Variants in HMGB1 observed in about 807,000 individuals in gnomAD.
The protein encoded by HMGB1 is high mobility group protein B1.
For synonymous variants in HMGB1, 81 were observed against 84.0 expected, an observed-to-expected ratio of 0.96 and a Z score of 0.19; for missense variants, 79 against 253.5, an observed-to-expected ratio of 0.31 and a Z score of 4.67.
chr13:30,543,461 T>G, intron 1 of HMGB1: 1 of 158,432 alleles, frequency 6.3e-6, no homozygotes, highest in Non-Finnish European at 1.4e-5. Flanking sequence ...GAGGTCACCA[T>G]CTTGAGAGCG....
chr13:30,548,189 A>G (rs547842545), intron 1 of HMGB1, among the ~76,000 whole-genome samples: 11 of 152,140 alleles, frequency 7.2e-5, no homozygotes, highest in Non-Finnish European at 1.6e-4. Flanking sequence ...TAATTGAATC[A>G]TGGGGGTGGT....
chr13:30,600,077 T>C (rs904346711), intron 1 of HMGB1, among the ~76,000 whole-genome samples: 3 of 152,248 alleles, frequency 2.0e-5, no homozygotes, highest in African/African-American at 7.2e-5. Flanking sequence ...GACTCATCTA[T>C]GGTGGTAGAT....
chr13:30,615,018 A>T (rs1286258192), intron 1 of HMGB1, among the ~76,000 whole-genome samples: 1 of 151,784 alleles, frequency 6.6e-6, no homozygotes, highest in East Asian at 1.9e-4. Flanking sequence ...CCGAGTTGTC[A>T]TGTTTTATCT....
intron 1 of HMGB1, chr13:30,464,338 G>A (rs1159088531): frequency 1.0e-6 from 1 of 985,352 alleles, no homozygotes; most frequent in Non-Finnish European, 1.2e-6. Flanking sequence ...AAACACGTCC[G>A]GTCTGAAGTT....
At chr13:30,586,484 T>G (rs866679941) in intron 1 of HMGB1, among the ~76,000 whole-genome samples, 5 of 140,602 alleles carry the variant, frequency 3.6e-5, no homozygotes, top group East Asian at 2.1e-4. Context: ...TTTTTGTTTT[T>G]TTTTTTTTTT....
intron 1 of HMGB1, among the ~76,000 whole-genome samples, chr13:30,546,886 C>G (rs1258528745): frequency 6.6e-6 from 1 of 152,230 alleles, no homozygotes; most frequent in Admixed American, 6.5e-5. Flanking sequence ...TTTCTTGAAA[C>G]TTGACTCTTA....
At chr13:30,543,775 A>G (rs2137504938) in intron 1 of HMGB1, among the ~76,000 whole-genome samples, 1 of 152,280 alleles carries the variant, frequency 6.6e-6, no homozygotes, top group South Asian at 2.1e-4. Context: ...TACACCCATG[A>G]TTTCTGATTT....
At chr13:30,465,221 AGGCCGG>A (rs1886695927) in intron 1 of HMGB1, 4 of 578,520 alleles carry the variant, frequency 6.9e-6, no homozygotes. Context: ...GACCGGGCCG[AGGCCGG>A]CCGGGCCCGC....
chr13:30,476,601 C>T (rs894780002), intron 1 of HMGB1, among the ~76,000 whole-genome samples: 22 of 152,044 alleles, frequency 1.4e-4, no homozygotes, highest in African/African-American at 3.9e-4. Flanking sequence ...TGATGGCTCA[C>T]GCTTGTAATC....
chr13:30,482,779 A>AT (rs34930270), intron 1 of HMGB1, among the ~76,000 whole-genome samples: 4,505 of 139,022 alleles, frequency 0.032, 159 homozygotes, highest in African/African-American at 0.091. Context: ...GTCTTTACCA[A>AT]TTTTTTTTTT....
chr13:30,486,362 C>T (rs1258286964), intron 1 of HMGB1, among the ~76,000 whole-genome samples: 2 of 152,218 alleles, frequency 1.3e-5, no homozygotes, highest in Admixed American at 6.5e-5. Flanking sequence ...CAATTCTAGC[C>T]ACTCTAGGAA....
chr13:30,552,996 C>T (rs997458039), intron 1 of HMGB1, among the ~76,000 whole-genome samples: 1 of 152,156 alleles, frequency 6.6e-6, no homozygotes, highest in Non-Finnish European at 1.5e-5. Flanking sequence ...CAGATATGGA[C>T]AATCTGGAAA....
chr13:30,560,570 G>A (rs1458473268), intron 1 of HMGB1, among the ~76,000 whole-genome samples: 2 of 152,156 alleles, frequency 1.3e-5, no homozygotes, highest in African/African-American at 4.8e-5. Flanking sequence ...GTATAAAGGT[G>A]TAACGTTGCA....
chr13:30,468,499 C>T (rs1565997334), upstream of HMGB1, among the ~76,000 whole-genome samples: 1 of 152,206 alleles, frequency 6.6e-6, no homozygotes, highest in Non-Finnish European at 1.5e-5. Flanking sequence ...GGTGATCCGC[C>T]CACCTTGGCC....
rs1256975750 is a variant in HMGB1 at position 30,559,589 on chromosome 13, G to A, written c.-15+57082C>T. 1.3e-5 allele frequency among the ~76,000 whole-genome samples: 2 copies of A among 152,100 alleles called. No individual in the cohort carries two copies. Among genetic ancestry groups the A allele is most frequent in the African/African-American group, 4.8e-5 (2 of 41,410 alleles). ...TAACACATGAGATTAAATTTAGATA[G>A]CCACATAGGGAAATCAGTTTTTAAG... On this transcript the variant is annotated intron_variant, in intron 1 of 4. Transcript: ENST00000405805. This position sits in a 1 kb window ranked among gnomAD's most constrained non-coding sequence, Gnocchi z 6.6.
intron 1 of HMGB1, among the ~76,000 whole-genome samples, chr13:30,566,625 A>G (rs1870197249): frequency 6.6e-6 from 1 of 152,234 alleles, no homozygotes; most frequent in Non-Finnish European, 1.5e-5. Flanking sequence ...GCTCTGAAGC[A>G]ATGATATCTC....
At chr13:30,531,069 A>G (rs571948461) in intron 1 of HMGB1, among the ~76,000 whole-genome samples, 1 of 152,282 alleles carries the variant, frequency 6.6e-6, no homozygotes, top group African/African-American at 2.4e-5. Flanking sequence ...AAACAAGTGC[A>G]CACACACATT....
At chr13:30,529,258 C>T (rs1888444825) in intron 1 of HMGB1, among the ~76,000 whole-genome samples, 1 of 152,084 alleles carries the variant, frequency 6.6e-6, no homozygotes, top group African/African-American at 2.4e-5. Flanking sequence ...AGGGACATTA[C>T]CTGCTCAGAG....
intron 1 of HMGB1, among the ~76,000 whole-genome samples, chr13:30,587,905 A>G (rs1871219971): frequency 6.6e-6 from 1 of 152,222 alleles, no homozygotes; most frequent in South Asian, 2.1e-4. Flanking sequence ...CTAGAAGCTC[A>G]ATACATAATG....
Sources: gnomAD v4.1 joint callset for allele counts (sites outside exome capture counted in the v4.1 genomes callset) on GRCh38, gnomAD v4.1.1 for gene constraint, Gnocchi (gnomAD v3.1) non-coding constraint, MANE v1.5 for transcripts, NCBI Gene and HGNC (gene_info 2026-07-23, HGNC 2026-07-21) for gene names.